The following NPAT variants were observed in gnomAD, a reference collection of about 807,000 sequenced individuals.
NPAT encodes the protein nuclear protein, coactivator of histone transcription, also known as protein NPAT.
In NPAT, 52 loss-of-function variants were observed where a neutral mutation model predicts 130.7. The ratio of observed to expected loss-of-function variants is 0.40; its 90% CI spans 0.32 to 0.50. The LOEUF (loss-of-function observed/expected upper bound fraction) is 0.50. Among genes scored for constraint, NPAT ranks in the 20% least tolerant of loss-of-function variants. The probability of loss-of-function intolerance (pLI) is 0.68; values close to 1 mark genes in which losing one functional copy is unlikely to be tolerated. For synonymous variants in NPAT, 580 were observed against 584.8 expected, an observed-to-expected ratio of 0.99 and a Z score of 0.12; for missense variants, 1,687 against 1,662.6, an observed-to-expected ratio of 1.01 and a Z score of -0.26.
intron 7 of NPAT, among the ~76,000 whole-genome samples, chr11:108,187,839 GATATACCATTATTTT>G (rs909805246): frequency 6.6e-6 from 1 of 152,030 alleles, no homozygotes; most frequent in African/African-American, 2.4e-5. Flanking sequence ...TCATTTGTAA[GATATACCATTATTTT>G]ATATACCATT....
intron 1 of NPAT, among the ~76,000 whole-genome samples, chr11:108,214,975 C>T (rs1315239022): frequency 1.3e-5 from 2 of 152,160 alleles, no homozygotes; most frequent in Non-Finnish European, 2.9e-5. Flanking sequence ...GTTCTACTTG[C>T]TTTGTACCCT....
rs188869208 is a variant in NPAT, at chr11:108,164,987, C to T, written c.3011-2807G>A. Among the ~76,000 whole-genome samples the T allele has an allele frequency of 4.0e-5, 6 of 151,666 alleles. No individual in the cohort carries two copies. The East Asian group carries it at 5.8e-4, about 15-fold the overall frequency. ...GACTGCCACTGCATTCCAGCCTGGG[C>T]GACAAGAGTAAGACTCTGTCTCAAA... is the stretch of plus-strand genomic sequence containing the variant. On this transcript the variant is annotated intron_variant, in intron 15 of 17. Transcript: ENST00000278612.
At chr11:108,189,623 C>A (rs2078144463) in intron 5 of NPAT, among the ~76,000 whole-genome samples, 1 of 152,080 alleles carries the variant, frequency 6.6e-6, no homozygotes, top group African/African-American at 2.4e-5. Flanking sequence ...GTAATCCCAG[C>A]ACTTTGGGAG....
intron 1 of NPAT, among the ~76,000 whole-genome samples, chr11:108,201,422 A>T (rs1355335857): frequency 6.6e-6 from 1 of 152,226 alleles, no homozygotes; most frequent in African/African-American, 2.4e-5. Context: ...CCTTTGACCA[A>T]CTGAAACAAG....
chr11:108,200,597 T>C (rs772651934), intron 1 of NPAT, among the ~76,000 whole-genome samples: 4 of 152,112 alleles, frequency 2.6e-5, no homozygotes, highest in Non-Finnish European at 4.4e-5. Context: ...CACCTCCTTC[T>C]CTAACCAGAG....
intron 1 of NPAT, among the ~76,000 whole-genome samples, chr11:108,207,406 C>A (rs2078339214): frequency 6.6e-6 from 1 of 152,234 alleles, no homozygotes; most frequent in Non-Finnish European, 1.5e-5. Context: ...AGACCATCTG[C>A]CTCCTGCCAC....
chr11:108,185,347 T>A, intron 9 of NPAT, 28 bp from the exon 10 acceptor site: 1 of 1,586,782 alleles, frequency 6.3e-7, no homozygotes, highest in Non-Finnish European at 8.6e-7. Context: ...AAAATCTTTA[T>A]TATAGTTATG....
At chr11:108,219,089 A>G (rs1331238240) in intron 1 of NPAT, among the ~76,000 whole-genome samples, 2 of 152,148 alleles carry the variant, frequency 1.3e-5, no homozygotes, top group Non-Finnish European at 2.9e-5. Context: ...TCTCTACTGT[A>G]TGACATAAAG....
At chr11:108,178,306 G>A (rs1369082098) in intron 10 of NPAT, among the ~76,000 whole-genome samples, 1 of 152,106 alleles carries the variant, frequency 6.6e-6, no homozygotes, top group Non-Finnish European at 1.5e-5. Context: ...GTTCTTTTGA[G>A]TTAGATTTCT....
chr11:108,212,191 T>C (rs953642935), intron 1 of NPAT, among the ~76,000 whole-genome samples: 1 of 151,972 alleles, frequency 6.6e-6, no homozygotes, highest in Non-Finnish European at 1.5e-5. Flanking sequence ...CAACATTGCA[T>C]GTATCCTCTA....
At chr11:108,207,130 G>A (rs11605442) in intron 1 of NPAT, among the ~76,000 whole-genome samples, 82,140 of 152,134 alleles carry the variant, frequency 0.54, 22,711 homozygotes, top group Middle Eastern at 0.74. Flanking sequence ...ACCAGTTCTC[G>A]GTGGAGATGA....
chr11:108,191,169 T>TTA (rs1278900633), intron 4 of NPAT, among the ~76,000 whole-genome samples: 1 of 152,206 alleles, frequency 6.6e-6, no homozygotes, highest in Non-Finnish European at 1.5e-5. Flanking sequence ...TCTTTCACAA[T>TTA]TATAGAGATG....
At chr11:108,220,449 ACCT>A (rs747876295) in intron 1 of NPAT, among the ~76,000 whole-genome samples, 2 of 152,164 alleles carry the variant, frequency 1.3e-5, no homozygotes, top group Non-Finnish European at 2.9e-5. Flanking sequence ...TTTAAAAAAA[ACCT>A]AATTATCTGA....
intron 1 of NPAT, among the ~76,000 whole-genome samples, chr11:108,215,918 A>G (rs2078432200): frequency 6.6e-6 from 1 of 152,220 alleles, no homozygotes; most frequent in African/African-American, 2.4e-5. Flanking sequence ...TGAACATCAA[A>G]CCACAGATGT....
chr11:108,213,294 C>CA (rs1362264407), intron 1 of NPAT, among the ~76,000 whole-genome samples: 1 of 152,040 alleles, frequency 6.6e-6, no homozygotes, highest in Non-Finnish European at 1.5e-5. Flanking sequence ...CGAAACAAAA[C>CA]AAAAACTATT....
At chr11:108,220,708 G>A (rs2078477614) in intron 1 of NPAT, among the ~76,000 whole-genome samples, 2 of 152,204 alleles carry the variant, frequency 1.3e-5, no homozygotes, top group African/African-American at 4.8e-5. Context: ...AAAAGTAAGA[G>A]CATTAGGCAT....
At position 108,172,489 on chromosome 11, in the gene NPAT, C is replaced by T. The variant is rs1284174983; in HGVS notation, c.2495G>A (p.Gly832Asp). 2 of 1,614,172 alleles carry T rather than the reference C, an allele frequency of 1.2e-6. No individual in the cohort carries two copies. Among genetic ancestry groups the T allele is most frequent in the African/African-American group, 2.7e-5 (2 of 75,052 alleles). The change falls in exon 13 of 18, where the codon GGC becomes GAC. Residue 832 changes from glycine to aspartate, a missense_variant. This residue lies in a region of NPAT where 1,379 missense variants were observed against 1,346.6 expected (regional missense o/e 1.02). Coordinates refer to ENST00000278612, the MANE Select transcript of NPAT (RefSeq NM_002519.3). Reference sequence around the variant, plus strand: ...TGTAACATTAGCTGAAAAAGCAATGCCATCTTCATTCTGAGTATTGTTTAC... The same window carrying T: ...TGTAACATTAGCTGAAAAAGCAATGTCATCTTCATTCTGAGTATTGTTTAC... ...SAVNNTQNED[G>D]IAFSANVTPC...
chr11:108,159,736 C>T (rs2077827165), intron 17 of NPAT, among the ~76,000 whole-genome samples: 1 of 152,062 alleles, frequency 6.6e-6, no homozygotes. Context: ...TAAGGCCAGG[C>T]GCAGTGGCTC....
chr11:108,176,467 A>G (rs897800604), intron 11 of NPAT, 93 bp from the exon 12 acceptor site: 2 of 964,654 alleles, frequency 2.1e-6, no homozygotes, highest in Non-Finnish European at 1.6e-6. Context: ...CAAATGTTAA[A>G]CTTCGATTTA....
Sources: allele counts gnomAD v4.1 joint callset (sites outside exome capture counted in the v4.1 genomes callset), GRCh38; gene constraint gnomAD v4.1.1; regional missense constraint gnomAD v4.1.1; transcripts MANE v1.5; gene names NCBI Gene and HGNC (gene_info 2026-07-23, HGNC 2026-07-21).